The following CAMK2D variants were observed in gnomAD, a reference collection of about 807,000 sequenced individuals.
CAMK2D encodes the protein calcium/calmodulin dependent protein kinase II delta, also known as calcium/calmodulin-dependent protein kinase type II subunit delta.
In CAMK2D, 37 loss-of-function variants were observed where a neutral mutation model predicts 84.0. The observed-to-expected ratio is 0.44, with a 90% confidence interval of 0.34 to 0.58. The LOEUF (loss-of-function observed/expected upper bound fraction) is 0.58. CAMK2D is among the 20% of genes least tolerant of loss of function. The pLI is 0.02. For missense variants in CAMK2D, 448 were observed against 652.5 expected (o/e 0.69, Z 3.41); for synonymous variants, 202 against 212.5 (o/e 0.95, Z 0.43).
intron 3 of CAMK2D, among the ~76,000 whole-genome samples, chr4:113,618,106 T>C (rs1039143778): frequency 6.6e-6 from 1 of 152,156 alleles, no homozygotes; most frequent in Non-Finnish European, 1.5e-5. Flanking sequence ...CCTGGATGAA[T>C]ATGGCTAATA....
intron 3 of CAMK2D, among the ~76,000 whole-genome samples, chr4:113,660,019 A>G (rs1042272831): frequency 3.3e-5 from 5 of 152,194 alleles, no homozygotes; most frequent in Admixed American, 3.3e-4. Context: ...CAGAATACTA[A>G]AAACATCAAA....
rs557115073 is a variant in CAMK2D, at chr4:113,642,241, C to G, written c.220+19472G>C. Among the ~76,000 whole-genome samples the G allele has an allele frequency of 5.3e-5, 8 of 152,226 alleles. No homozygotes were observed. In the South Asian group the frequency reaches 1.7e-3, roughly 32 times the overall value. ...TTTGCCAGTTACTGTGCTCCAAAAA[C>G]AGGAAACAAGATTAGTTTTCAGACT... On this transcript the variant is annotated intron_variant, in intron 3 of 20. Transcript: ENST00000511664.
chr4:113,603,193 C>T (rs889274502), intron 4 of CAMK2D, among the ~76,000 whole-genome samples: 1 of 152,014 alleles, frequency 6.6e-6, no homozygotes, highest in African/African-American at 2.4e-5. Context: ...GTAAAGATGA[C>T]TTTGCGTTAT....
At chr4:113,542,975 C>T (rs1408853717) in intron 6 of CAMK2D, among the ~76,000 whole-genome samples, 1 of 152,130 alleles carries the variant, frequency 6.6e-6, no homozygotes, top group African/African-American at 2.4e-5. Context: ...TCTGCCGAGG[C>T]AATTCATAGG....
At chr4:113,624,815 A>T (rs73841801) in intron 3 of CAMK2D, among the ~76,000 whole-genome samples, 7,063 of 152,306 alleles carry the variant, frequency 0.046, 476 homozygotes, top group African/African-American at 0.14. Context: ...TTAGAAAATA[A>T]ATGGAAAGTC....
intron 2 of CAMK2D, among the ~76,000 whole-genome samples, chr4:113,694,176 A>G (rs2099396291): frequency 6.6e-6 from 1 of 152,172 alleles, no homozygotes; most frequent in Non-Finnish European, 1.5e-5. Context: ...ATACCATATG[A>G]TATCATCTGA....
At position 113,457,443 on chromosome 4, in the gene CAMK2D, C is replaced by G; in HGVS notation, c.1427G>C (p.Gly476Ala). The change falls in exon 19 of 21, where the codon GGA becomes GCA. Residue 476 changes from glycine to alanine, a missense_variant. Physicochemically the swap from Gly to Ala is moderately conservative, Grantham distance 60. Coordinates refer to ENST00000511664, the MANE Select transcript of CAMK2D (RefSeq NM_001321571.2). ...TTCTGACTGCATTGTCTTTGGCATTCCACTGCCATCCATGTACTGTGTGAG... is the reference window on the plus strand; with the variant it reads ...TTCTGACTGCATTGTCTTTGGCATTGCACTGCCATCCATGTACTGTGTGAG... The part of the protein sequence containing the change: ...IRLTQYMDGS[G>A]MPKTMQSEET... 3 of 1,613,844 alleles carry G rather than the reference C, an allele frequency of 1.9e-6. No individual in the cohort carries two copies. The highest frequency in any genetic ancestry group is 2.5e-6 in the Non-Finnish European group (3 of 1,179,798).
chr4:113,516,528 T>C (rs1209855934), intron 9 of CAMK2D, among the ~76,000 whole-genome samples: 1 of 152,174 alleles, frequency 6.6e-6, no homozygotes, highest in Non-Finnish European at 1.5e-5. Flanking sequence ...GCCATGTAAA[T>C]AATAATTTGT....
intron 4 of CAMK2D, among the ~76,000 whole-genome samples, chr4:113,581,901 G>A (rs925006117): frequency 2.0e-5 from 3 of 152,142 alleles, no homozygotes; most frequent in East Asian, 3.9e-4. Flanking sequence ...GTTCAGCTAG[G>A]CCTCTGGGAA....
At chr4:113,714,431 T>C (rs2099506847) in intron 2 of CAMK2D, among the ~76,000 whole-genome samples, 1 of 152,082 alleles carries the variant, frequency 6.6e-6, no homozygotes, top group African/African-American at 2.4e-5. Flanking sequence ...TAAATCAACT[T>C]ATCTACTGAA....
intron 4 of CAMK2D, among the ~76,000 whole-genome samples, chr4:113,570,214 C>T (rs1339374750): frequency 6.6e-6 from 1 of 152,154 alleles, no homozygotes; most frequent in Non-Finnish European, 1.5e-5. Flanking sequence ...AAGTGATCTA[C>T]TGATTCTATG....
intron 8 of CAMK2D, among the ~76,000 whole-genome samples, chr4:113,519,178 T>C (rs2098325760): frequency 6.6e-6 from 1 of 152,208 alleles, no homozygotes; most frequent in South Asian, 2.1e-4. Flanking sequence ...AAAATTTGCT[T>C]TGTAATAGTG....
intron 2 of CAMK2D, among the ~76,000 whole-genome samples, chr4:113,712,862 A>AT (rs1015727916): frequency 7.9e-5 from 12 of 152,110 alleles, no homozygotes; most frequent in Admixed American, 2.0e-4. Flanking sequence ...GGGATAAAAT[A>AT]TTTTTTTAAT....
At chr4:113,603,452 T>C (rs1248147190) in intron 4 of CAMK2D, among the ~76,000 whole-genome samples, 2 of 135,308 alleles carry the variant, frequency 1.5e-5, no homozygotes, top group Non-Finnish European at 3.0e-5. Flanking sequence ...ATGGATAAAA[T>C]TGGAAATCAT....
chr4:113,678,449 T>A (rs2099327683), intron 2 of CAMK2D, among the ~76,000 whole-genome samples: 1 of 146,266 alleles, frequency 6.8e-6, no homozygotes, highest in Non-Finnish European at 1.5e-5. Flanking sequence ...GATTTTATAG[T>A]TGGTTCTGTG....
At chr4:113,572,585 C>T (rs1384647694) in intron 4 of CAMK2D, among the ~76,000 whole-genome samples, 2 of 152,046 alleles carry the variant, frequency 1.3e-5, no homozygotes, top group Non-Finnish European at 2.9e-5. Context: ...CAATGAGATA[C>T]CATCTCACAC....
rs534194904 is a variant in CAMK2D, at chr4:113,515,274, C to T, written c.697-83G>A. ...GAAGAGTCAACTACATGAATCATTC[C>T]CTCAAGTAGTGAATTTCTTCATAAA... On this transcript the variant is annotated intron_variant, in intron 9 of 20. Transcript: ENST00000511664. The T allele has an allele frequency of 6.5e-4, 537 of 830,118 alleles. 12 individuals are homozygous for T. The South Asian group carries it at 1.0e-2, about 15-fold the overall frequency. 51.4% of individuals were successfully genotyped at this position (830,118 alleles called of 1,614,324 possible). A position where few individuals can be genotyped will look rare whatever the true frequency, so the allele number is the denominator to read the frequency against.
intron 8 of CAMK2D, among the ~76,000 whole-genome samples, chr4:113,519,149 G>A (rs1347812184): frequency 3.9e-5 from 6 of 152,126 alleles, no homozygotes; most frequent in African/African-American, 1.4e-4. Context: ...GCTATATAAG[G>A]TTCCAGGAGG....
chr4:113,533,147 C>T (rs568685387), intron 7 of CAMK2D, among the ~76,000 whole-genome samples: 2 of 152,138 alleles, frequency 1.3e-5, no homozygotes, highest in East Asian at 3.9e-4. Flanking sequence ...ATGAAAAGAT[C>T]ATTTAAAATA....
Sources: allele counts gnomAD v4.1 joint callset (sites outside exome capture counted in the v4.1 genomes callset), GRCh38; gene constraint gnomAD v4.1.1; transcripts MANE v1.5; gene names NCBI Gene and HGNC (gene_info 2026-07-23, HGNC 2026-07-21).